Variants in FAM135A observed in about 807,000 individuals in gnomAD.
The protein encoded by FAM135A is family with sequence similarity 135 member A.
Under a neutral mutation model 146.8 loss-of-function variants are expected in FAM135A, and 79 were observed. The ratio of observed to expected loss-of-function variants is 0.54; its 90% CI spans 0.45 to 0.65. The LOEUF is 0.65. Among genes scored for constraint, FAM135A ranks in the 30% least tolerant of loss-of-function variants. The pLI is 0.00. For synonymous variants in FAM135A, 562 were observed against 603.6 expected (o/e 0.93, Z 1.01); for missense variants, 1,623 against 1,758.2 (o/e 0.92, Z 1.38).
intron 5 of FAM135A, among the ~76,000 whole-genome samples, chr6:70,459,846 C>T (rs1427584662): frequency 1.3e-5 from 2 of 152,040 alleles, no homozygotes; most frequent in African/African-American, 2.4e-5. Flanking sequence ...TGACCAACAT[C>T]GTGAAACCCC....
intron 5 of FAM135A, among the ~76,000 whole-genome samples, chr6:70,471,301 A>G (rs759584287): frequency 1.8e-4 from 27 of 152,178 alleles, no homozygotes; most frequent in Non-Finnish European, 2.8e-4. Flanking sequence ...ATGGGTAAGG[A>G]AAAAAGGAAT....
intron 16 of FAM135A, 48 bp from the exon 17 acceptor site, chr6:70,533,112 T>C: frequency 6.9e-7 from 1 of 1,453,798 alleles, no homozygotes; most frequent in Non-Finnish European, 9.6e-7. Context: ...GTGTACTTTC[T>C]ACCTTTTACT....
intron 4 of FAM135A, among the ~76,000 whole-genome samples, chr6:70,431,534 TC>T (rs1174263670): frequency 5.3e-4 from 81 of 152,182 alleles, no homozygotes; most frequent in African/African-American, 1.9e-3. Context: ...CTGTTACACC[TC>T]CACCACAAGA....
chr6:70,554,560 A>G (rs1800461472), intron 20 of FAM135A, among the ~76,000 whole-genome samples: 1 of 152,204 alleles, frequency 6.6e-6, no homozygotes, highest in Admixed American at 6.5e-5. Flanking sequence ...ACACTGTGCC[A>G]AGAAATGGGT....
At chr6:70,417,651 T>C (rs1401075667) in intron 2 of FAM135A, 3 of 984,746 alleles carry the variant, frequency 3.0e-6, no homozygotes, top group Non-Finnish European at 3.6e-6. Flanking sequence ...CATTCATGAT[T>C]GTTTTTAGAG....
At chr6:70,559,221 G>A (rs1320403230) in intron 21 of FAM135A, among the ~76,000 whole-genome samples, 5 of 152,080 alleles carry the variant, frequency 3.3e-5, no homozygotes, top group Admixed American at 2.0e-4. Context: ...CGGGAGGATC[G>A]CCTGAGGTCA....
At chr6:70,514,251 G>T (rs1189060508) in intron 12 of FAM135A, among the ~76,000 whole-genome samples, 1 of 151,704 alleles carries the variant, frequency 6.6e-6, no homozygotes, top group African/African-American at 2.4e-5. Context: ...ACTCTTTTCT[G>T]TAGCAACTAA....
chr6:70,495,530 G>A (rs1012890208), intron 11 of FAM135A, among the ~76,000 whole-genome samples: 2 of 152,026 alleles, frequency 1.3e-5, no homozygotes, highest in Non-Finnish European at 2.9e-5. Flanking sequence ...CTGAATTGCA[G>A]TATTTAAAAA....
At chr6:70,484,782 A>G (rs904406619) in intron 10 of FAM135A, among the ~76,000 whole-genome samples, 1 of 152,212 alleles carries the variant, frequency 6.6e-6, no homozygotes, top group East Asian at 1.9e-4. Context: ...TCCAGTTCCT[A>G]ACAGGCCACA....
chr6:70,444,139 T>A (rs145997526), intron 4 of FAM135A, among the ~76,000 whole-genome samples: 1 of 152,318 alleles, frequency 6.6e-6, no homozygotes, highest in East Asian at 1.9e-4. Context: ...GTGCGGTGGC[T>A]CACGCCTGTA....
At chr6:70,492,680 A>G (rs1036353535) in intron 11 of FAM135A, among the ~76,000 whole-genome samples, 2 of 151,554 alleles carry the variant, frequency 1.3e-5, no homozygotes, top group Admixed American at 6.6e-5. Context: ...AAAGGATACA[A>G]TGAGGCAGTG....
At chr6:70,521,603 T>C (rs1221784901) in intron 12 of FAM135A, among the ~76,000 whole-genome samples, 1 of 152,218 alleles carries the variant, frequency 6.6e-6, no homozygotes, top group Admixed American at 6.5e-5. Context: ...AGGTCTCTAA[T>C]TTGTTGGACA....
chr6:70,466,966 C>T (rs961681946), intron 5 of FAM135A, among the ~76,000 whole-genome samples: 1 of 152,192 alleles, frequency 6.6e-6, no homozygotes, highest in Admixed American at 6.5e-5. Flanking sequence ...GATCTTCCTT[C>T]ACCATCTTCC....
intron 14 of FAM135A, 97 bp downstream of exon 14, chr6:70,524,218 T>C: frequency 7.1e-7 from 1 of 1,402,174 alleles, no homozygotes; most frequent in East Asian, 2.5e-5. Flanking sequence ...TGGAATAGTT[T>C]TTTTCCCTCT....
chr6:70,501,005 G>C (rs1211062988), intron 11 of FAM135A, among the ~76,000 whole-genome samples: 1 of 152,164 alleles, frequency 6.6e-6, no homozygotes, highest in Admixed American at 6.5e-5. Context: ...CAGAGCTGGT[G>C]CACTGTGCTC....
chr6:70,524,046 T>G lies in FAM135A; in HGVS notation c.1183T>G (p.Cys395Gly), dbSNP rs757155457. 6.2e-7 allele frequency: 1 copy of G among 1,613,108 alleles called. No homozygotes were observed. The highest frequency in any genetic ancestry group is 8.5e-7 in the Non-Finnish European group (1 of 1,179,416). The change falls in exon 14 of 22, where the codon TGT becomes GGT. Residue 395 changes from cysteine to glycine, a missense_variant. This residue lies in a region of FAM135A where 1,061 missense variants were observed against 1,113.8 expected (regional missense o/e 0.95). Coordinates refer to ENST00000418814, the MANE Select transcript of FAM135A (RefSeq NM_001162529.3). The stretch of plus-strand genomic sequence containing the variant: ...TTCTCTTCCACCCTTACCTATTGAA[T>G]GTAGTGAATTAGATGGAGATCTCAA... ...CSSLPPLPIECSELDGDLNSL... is the reference protein window; with the variant it reads ...CSSLPPLPIEGSELDGDLNSL...
intron 12 of FAM135A, among the ~76,000 whole-genome samples, chr6:70,511,715 A>T (rs1791032060): frequency 6.6e-6 from 1 of 151,858 alleles, no homozygotes; most frequent in South Asian, 2.1e-4. Flanking sequence ...AGGTGATTTC[A>T]TCATTGTGTG....
intron 10 of FAM135A, chr6:70,486,078 A>T (rs1432945237): frequency 6.0e-6 from 6 of 1,006,482 alleles, no homozygotes; most frequent in Admixed American, 2.1e-5. Flanking sequence ...ATCAACACTA[A>T]GTCTATTATT....
intron 5 of FAM135A, among the ~76,000 whole-genome samples, chr6:70,463,778 C>T (rs1268135578): frequency 1.3e-5 from 2 of 152,188 alleles, no homozygotes; most frequent in Admixed American, 6.5e-5. Flanking sequence ...ATGGAAAACT[C>T]ACCATAAAGT....
Sources: gnomAD v4.1 joint callset for allele counts (sites outside exome capture counted in the v4.1 genomes callset) on GRCh38, gnomAD v4.1.1 for gene constraint, gnomAD v4.1.1 regional missense constraint, MANE v1.5 for transcripts, NCBI Gene and HGNC (gene_info 2026-07-23, HGNC 2026-07-21) for gene names.